ASL: variants seen among roughly 807,000 people sequenced by gnomAD.
ASL encodes argininosuccinate lyase.
A neutral mutation model predicts 69.1 loss-of-function variants in ASL; 51 were observed. The observed-to-expected ratio is 0.74, with a 90% CI of 0.59 to 0.93. The LOEUF (loss-of-function observed/expected upper bound fraction) is 0.93. Ranked by LOEUF, ASL falls within the 40% of genes least tolerant of loss-of-function variation. The pLI, the probability that ASL is intolerant of heterozygous loss-of-function variation, is 0.00. For missense variants in ASL, 540 were observed against 623.9 expected (o/e 0.87, Z 1.43); for synonymous variants, 241 against 247.6 (o/e 0.97, Z 0.25).
Position 66,092,582 on chromosome 7 carries a change from C to T in ASL, c.1169C>T (p.Ala390Val), listed in dbSNP as rs201047656. 3.3e-5 allele frequency: 53 copies of T among 1,611,418 alleles called. No homozygotes were observed. In the African/African-American group the frequency reaches 6.7e-4, roughly 20 times the overall value. ...ATGCCATTCCGCCAGGCCCACGAGGCCTCCGGGAAAGCTGTGTTCATGGCC... is the reference window on the plus strand; with the variant it reads ...ATGCCATTCCGCCAGGCCCACGAGGTCTCCGGGAAAGCTGTGTTCATGGCC... ...KGMPFRQAHE[A>V]SGKAVFMAET... Residue 390 changes from alanine (A) to valine (V), a missense_variant, in exon 16 of 17, where the codon GCC becomes GTC. Ala to Val is a moderately conservative substitution (Grantham distance 64). Coordinates refer to ENST00000304874, the MANE Select transcript of ASL (RefSeq NM_000048.4).
In ASL at chr7:66,088,898, C is replaced by T; in HGVS notation, c.810C>T (p.Phe270=). The T allele has an allele frequency of 6.2e-7, 1 of 1,614,006 alleles. No homozygotes were observed. Among genetic ancestry groups the T allele is most frequent in the East Asian group, 2.2e-5 (1 of 44,878 alleles). The change falls in exon 11 of 17, where the codon TTC becomes TTT. Residue 270 remains phenylalanine (F), a synonymous_variant. Coordinates refer to ENST00000304874, the MANE Select transcript of ASL (RefSeq NM_000048.4). The part of the protein sequence containing the change: ...LILYCTKEFS[F]VQLSDAYSTG... ...TCTACTGCACCAAGGAATTCAGCTTCGTGCAGCTCTCAGATGCCTACAGGT... is the reference window on the plus strand; with the variant it reads ...TCTACTGCACCAAGGAATTCAGCTTTGTGCAGCTCTCAGATGCCTACAGGT...
intron 2 of ASL, 84 bp downstream of exon 2, chr7:66,076,177 T>C: frequency 6.6e-7 from 1 of 1,522,996 alleles, no homozygotes; most frequent in South Asian, 1.2e-5. Context: ...GCCACCCTGC[T>C]GGGAATCGCC....
At chr7:66,079,003 G>A (rs1253987511) in intron 2 of ASL, among the ~76,000 whole-genome samples, 2 of 152,180 alleles carry the variant, frequency 1.3e-5, no homozygotes, top group African/African-American at 4.8e-5. Context: ...TCCGCCTCCC[G>A]GGTTCACGCC....
intron 6 of ASL, 122 bp downstream of exon 6, chr7:66,083,296 G>A: frequency 9.3e-7 from 1 of 1,072,204 alleles, no homozygotes; most frequent in Non-Finnish European, 1.4e-6. Context: ...GGGCATCCCA[G>A]AACTCCAGGA....
intron 3 of ASL, 53 bp from the exon 4 acceptor site, chr7:66,082,315 T>C (rs1786528516): frequency 1.3e-6 from 2 of 1,544,662 alleles, no homozygotes; most frequent in Non-Finnish European, 1.8e-6. Flanking sequence ...AGGGGCTCTC[T>C]TGGCTGCTGA....
At chr7:66,082,102 C>A in intron 3 of ASL, 105 bp downstream of exon 3, 1 of 1,383,668 alleles carries the variant, frequency 7.2e-7, no homozygotes, top group Non-Finnish European at 1.0e-6. Flanking sequence ...TGTGGTTTCA[C>A]ATTGAACTAA....
Position 66,086,019 on chromosome 7 carries a change from T to A in ASL, c.447-566T>A, listed in dbSNP as rs570584436. 2.0e-5 allele frequency among the ~76,000 whole-genome samples: 3 copies of A among 152,188 alleles called. No homozygotes were observed. The East Asian group carries it at 5.8e-4, about 29-fold the overall frequency. On this transcript the variant is annotated intron_variant, in intron 6 of 16. Transcript: ENST00000304874. ...AGGAGGATCGCTTGAGCCCAGGAGA[T>A]CGAGGCAGCAGTGAGCTATGATCAT...
rs1165773472 is a variant in ASL, at chr7:66,092,772, C to G, written c.1255C>G (p.Leu419Val). The change falls in exon 17 of 17, where the codon CTG becomes GTG. Residue 419 changes from leucine (L) to valine (V), a missense_variant. Physicochemically the swap from Leu to Val is conservative, Grantham distance 32. Coordinates refer to ENST00000304874, the MANE Select transcript of ASL (RefSeq NM_000048.4). ...CACCTCTTCCTCTCTCCCCAGCCCC[C>G]TGTTCTCGGGCGACGTGATCTGCGT... ...SLQELQTISP[L>V]FSGDVICVWD... 1 of 1,613,752 alleles carries G rather than the reference C, an allele frequency of 6.2e-7. No individual in the cohort carries two copies. The highest frequency in any genetic ancestry group is 2.2e-5 in the East Asian group (1 of 44,876).
chr7:66,077,676 C>T (rs1786386012), intron 2 of ASL, among the ~76,000 whole-genome samples: 1 of 151,684 alleles, frequency 6.6e-6, no homozygotes, highest in South Asian at 2.1e-4. Context: ...TTGCAGTGAG[C>T]TGAGATCGCA....
chr7:66,082,115 A>C lies in ASL; in HGVS notation c.207+118A>C, dbSNP rs1419862597. On this transcript the variant is annotated intron_variant, in intron 3 of 16. Coordinates refer to ENST00000304874, the MANE Select transcript of ASL (RefSeq NM_000048.4). ...TCTGTGGTTTCACATTGAACTAATT[A>C]TATACTCAAGTGCTGTTTAACTGTG... 91 of 1,299,120 alleles carry C rather than the reference A, an allele frequency of 7.0e-5. 1 individual carries two copies. In the South Asian group the frequency reaches 1.1e-3, roughly 16 times the overall value. 80.5% of individuals were successfully genotyped at this position (1,299,120 alleles called of 1,614,324 possible).
intron 1 of ASL, 88 bp downstream of exon 1, chr7:66,075,944 G>A: frequency 8.5e-7 from 1 of 1,173,090 alleles, no homozygotes. Flanking sequence ...CCCAAGGGCT[G>A]CGCTCCCTCA....
rs375973248 is a variant in ASL at position 66,082,837 on chromosome 7, C to T, written c.292-43C>T. Reference sequence around the variant, plus strand: ...AACTGCCCTGCCTGGGTTGACTCCTCTGGGGGTATAGACCGTGACCCTGGG... The same window carrying T: ...AACTGCCCTGCCTGGGTTGACTCCTTTGGGGGTATAGACCGTGACCCTGGG... On this transcript the variant is annotated intron_variant, in intron 4 of 16. Coordinates refer to ENST00000304874, the MANE Select transcript of ASL (RefSeq NM_000048.4). 8.1e-6 allele frequency: 13 copies of T among 1,611,900 alleles called. No individual in the cohort carries two copies. In the South Asian group the frequency reaches 1.3e-4, roughly 16 times the overall value.
chr7:66,088,289 T>C (rs1321031753), intron 10 of ASL, among the ~76,000 whole-genome samples: 6 of 152,068 alleles, frequency 3.9e-5, no homozygotes, highest in Non-Finnish European at 4.4e-5. Flanking sequence ...AAGACCAGCC[T>C]GGCCAACATG....
intron 14 of ASL, among the ~76,000 whole-genome samples, chr7:66,091,324 G>A (rs951289231): frequency 2.6e-5 from 4 of 152,148 alleles, no homozygotes; most frequent in African/African-American, 9.7e-5. Flanking sequence ...TTGAGAAGCT[G>A]AGGCAGGAGA....
At chr7:66,077,354 G>GT (rs1410703187) in intron 2 of ASL, among the ~76,000 whole-genome samples, 9 of 152,060 alleles carry the variant, frequency 5.9e-5, no homozygotes, top group Non-Finnish European at 1.0e-4. Flanking sequence ...GAGCCCAGGA[G>GT]TTTGAGACTG....
chr7:66,092,489 C>T, intron 15 of ASL, 68 bp from the exon 16 acceptor site: 1 of 1,375,070 alleles, frequency 7.3e-7, no homozygotes, highest in Non-Finnish European at 1.0e-6. Flanking sequence ...GAAGGGGGTG[C>T]AGGCAATGGA....
At chr7:66,079,972 C>T (rs1001642022) in intron 2 of ASL, among the ~76,000 whole-genome samples, 11 of 151,944 alleles carry the variant, frequency 7.2e-5, no homozygotes, top group Non-Finnish European at 1.3e-4. Context: ...GTAGTCCCAA[C>T]TATTGGGGAG....
At chr7:66,088,997 T>C in intron 11 of ASL, 76 bp downstream of exon 11, 1 of 1,606,418 alleles carries the variant, frequency 6.2e-7, no homozygotes, top group East Asian at 2.2e-5. Context: ...GTGGCTGCCT[T>C]CCTCCCCGTC....
rs138310841 is a variant in ASL at position 66,082,919 on chromosome 7, C to T, written c.331C>T (p.Arg111Trp). The T allele has an allele frequency of 8.7e-6, 14 of 1,613,516 alleles. No homozygotes were observed. Among genetic ancestry groups the T allele is most frequent in the Non-Finnish European group, 1.2e-5 (14 of 1,179,986 alleles). ...GATAGKLHTGRSRNDQVVTDL... is the reference protein window; with the variant it reads ...GATAGKLHTGWSRNDQVVTDL... Reference sequence around the variant, plus strand: ...AACGGCAGGGAAGCTGCACACGGGACGGAGCCGGAATGACCAGGTGCTTTA... The same window carrying T: ...AACGGCAGGGAAGCTGCACACGGGATGGAGCCGGAATGACCAGGTGCTTTA... The change falls in exon 5 of 17, where the codon CGG becomes TGG. Residue 111 changes from arginine to tryptophan, a missense_variant. Transcript: ENST00000304874.
Sources: allele counts gnomAD v4.1 joint callset (sites outside exome capture counted in the v4.1 genomes callset), GRCh38; gene constraint gnomAD v4.1.1; transcripts MANE v1.5; gene names NCBI Gene and HGNC (gene_info 2026-07-23, HGNC 2026-07-21).